The following SLC2A14 variants were observed in gnomAD, a reference collection of about 807,000 sequenced individuals.
The protein encoded by SLC2A14 is solute carrier family 2, facilitated glucose transporter member 14.
Under a neutral mutation model 43.0 loss-of-function variants are expected in SLC2A14, and 13 were observed. The observed-to-expected ratio is 0.30, with a 90% CI of 0.20 to 0.48. The LOEUF is 0.48. Ranked by LOEUF, SLC2A14 falls within the 20% of genes least tolerant of loss-of-function variation. The pLI, the probability that SLC2A14 is intolerant of heterozygous loss-of-function variation, is 0.99. For missense variants in SLC2A14, 428 were observed against 620.4 expected (o/e 0.69, Z 3.29); for synonymous variants, 190 against 233.8 (o/e 0.81, Z 1.71).
At chr12:7,848,261 C>T (rs1459379114) in intron 2 of SLC2A14, among the ~76,000 whole-genome samples, 1 of 152,060 alleles carries the variant, frequency 6.6e-6, no homozygotes, top group East Asian at 1.9e-4. Flanking sequence ...CTGACGTGCA[C>T]AGAAAGGAAC....
At chr12:7,850,004 G>A (rs1226849231) in intron 2 of SLC2A14, among the ~76,000 whole-genome samples, 4 of 150,248 alleles carry the variant, frequency 2.7e-5, no homozygotes, top group Non-Finnish European at 5.9e-5. Context: ...ACAATGTGGT[G>A]CTGGAGGGGA....
At chr12:7,870,981 AC>A in intron 1 of SLC2A14, 1 of 1,435,024 alleles carries the variant, frequency 7.0e-7, no homozygotes, top group Non-Finnish European at 9.4e-7. Flanking sequence ...AACATGATTG[AC>A]CAGAACCATG....
At chr12:7,870,876 A>T in intron 1 of SLC2A14, 1 of 1,270,976 alleles carries the variant, frequency 7.9e-7, no homozygotes. Context: ...GACCAAAGCC[A>T]AGACCACCAA....
At chr12:7,883,590 CTTTTTTTTT>C (rs1204450230) in intron 1 of SLC2A14, among the ~76,000 whole-genome samples, 3 of 95,214 alleles carry the variant, frequency 3.2e-5, no homozygotes, top group African/African-American at 4.5e-5. Flanking sequence ...TTTTTCTTTT[CTTTTTTTTT>C]TTTTTTTTTT....
At chr12:7,888,713 A>C (rs972420002) in intron 1 of SLC2A14, among the ~76,000 whole-genome samples, 1 of 146,178 alleles carries the variant, frequency 6.8e-6, no homozygotes, top group Non-Finnish European at 1.5e-5. Context: ...CAGGAGAATC[A>C]CTTGAACCTG....
At chr12:7,826,023 T>C (rs896077090) in intron 7 of SLC2A14, among the ~76,000 whole-genome samples, 1 of 151,342 alleles carries the variant, frequency 6.6e-6, no homozygotes, top group Non-Finnish European at 1.5e-5. Context: ...TTTAAAGAGG[T>C]GCTCATTCTC....
chr12:7,840,441 G>C (rs753766662), intron 2 of SLC2A14, among the ~76,000 whole-genome samples: 1 of 151,986 alleles, frequency 6.6e-6, no homozygotes, highest in African/African-American at 2.4e-5. Flanking sequence ...GTGCAATGGC[G>C]TGATTTCGGC....
intron 10 of SLC2A14, among the ~76,000 whole-genome samples, chr12:7,816,898 G>T (rs1157354964): frequency 1.3e-5 from 2 of 151,768 alleles, no homozygotes; most frequent in Non-Finnish European, 2.9e-5. Flanking sequence ...AGCAGAGATG[G>T]TGTTTCACCA....
intron 2 of SLC2A14, among the ~76,000 whole-genome samples, chr12:7,849,728 G>A (rs912448694): frequency 6.6e-5 from 10 of 151,176 alleles, no homozygotes; most frequent in South Asian, 2.1e-4. Context: ...GTAAAACCCC[G>A]TCTCTACTAA....
At chr12:7,850,939 C>T (rs1866890501) in intron 2 of SLC2A14, 1 of 152,076 alleles carries the variant, frequency 6.6e-6, no homozygotes, top group Non-Finnish European at 1.5e-5. Flanking sequence ...AATGTTTTTT[C>T]TTGGTCTGTG....
At chr12:7,865,468 C>T (rs752516538) in intron 2 of SLC2A14, among the ~76,000 whole-genome samples, 13 of 151,366 alleles carry the variant, frequency 8.6e-5, no homozygotes, top group African/African-American at 2.2e-4. Context: ...ACCTGGGAGG[C>T]GGAGGTTACA....
chr12:7,815,209 G>C (rs1863327246), intron 10 of SLC2A14, among the ~76,000 whole-genome samples: 1 of 151,442 alleles, frequency 6.6e-6, no homozygotes. Flanking sequence ...CCAGGAGTTT[G>C]AGACCAGCCT....
At chr12:7,850,610 G>T (rs182052962) in intron 2 of SLC2A14, 1 of 152,278 alleles carries the variant, frequency 6.6e-6, no homozygotes, top group African/African-American at 2.4e-5. Flanking sequence ...TGGCCAGGAT[G>T]GTCTCGATCT....
chr12:7,846,743 TGCCTCA>T (rs78068859), intron 2 of SLC2A14, among the ~76,000 whole-genome samples: 57,706 of 149,876 alleles, frequency 0.39, 11,707 homozygotes, highest in East Asian at 0.58. Flanking sequence ...GCGATTCTCC[TGCCTCA>T]GCCTCTGGAG....
At chr12:7,873,059 C>T (rs527680884), upstream of SLC2A14, 6 of 985,400 alleles carry the variant, frequency 6.1e-6, no homozygotes, top group Middle Eastern at 5.2e-4. Flanking sequence ...TCGGGGTTGT[C>T]CGGCCCCTCC....
chr12:7,827,058 T>TC (rs1491401618), intron 7 of SLC2A14, among the ~76,000 whole-genome samples: 15 of 102,470 alleles, frequency 1.5e-4, no homozygotes, highest in Non-Finnish European at 2.4e-4. Context: ...TCTCTCTCTC[T>TC]TTCTTTCTCT....
At chr12:7,832,852 TA>T in intron 2 of SLC2A14, 38 bp from the exon 3 acceptor site, 2 of 1,580,530 alleles carry the variant, frequency 1.3e-6, no homozygotes, top group Non-Finnish European at 1.7e-6. Flanking sequence ...GAATAGTCCT[TA>T]AAACTTGTAA....
upstream of SLC2A14, among the ~76,000 whole-genome samples, chr12:7,874,525 A>G (rs921738122): frequency 2.0e-5 from 3 of 151,448 alleles, no homozygotes; most frequent in Non-Finnish European, 4.4e-5. Flanking sequence ...GACAAAAACT[A>G]GCCGGGCGTG....
At position 7,813,661 on chromosome 12, in the gene SLC2A14, A is replaced by G. The variant is rs1304123657; in HGVS notation, c.*655T>C. On this transcript the variant is annotated 3_prime_UTR_variant, in exon 11 of 11. Transcript: ENST00000431042. ...CAGGCACCACATCATTTACCCTCCA[A>G]TAATGAACAACATTTCTCCCTGAAT... 6.5e-6 allele frequency: 1 copy of G among 153,090 alleles called. No individual in the cohort carries two copies. The highest frequency in any genetic ancestry group is 1.5e-5 in the Non-Finnish European group (1 of 68,624). The allele number at this position is 153,090 out of a possible 1,614,324, so 9.5% of individuals were successfully genotyped here.
Sources: allele counts gnomAD v4.1 joint callset (sites outside exome capture counted in the v4.1 genomes callset), GRCh38; gene constraint gnomAD v4.1.1; transcripts MANE v1.5; gene names NCBI Gene and HGNC (gene_info 2026-07-23, HGNC 2026-07-21).